Variants in SPOCK1 observed in about 807,000 individuals in gnomAD.
SPOCK1 encodes SPARC (osteonectin), cwcv and kazal like domains proteoglycan 1, also known as testican-1.
Under a neutral mutation model 55.3 loss-of-function variants are expected in SPOCK1, and 23 were observed. The observed-to-expected ratio is 0.42, with a 90% CI of 0.30 to 0.59. SPOCK1 has a LOEUF of 0.59. SPOCK1 is among the 20% of genes least tolerant of loss of function. SPOCK1 has a pLI of 0.22. For missense variants in SPOCK1, 499 were observed against 552.5 expected (o/e 0.90, Z 0.97); for synonymous variants, 226 against 221.0 (o/e 1.02, Z -0.20).
chr5:137,304,662 G>A (rs1331992736), intron 2 of SPOCK1, among the ~76,000 whole-genome samples: 1 of 152,144 alleles, frequency 6.6e-6, no homozygotes, highest in African/African-American at 2.4e-5. Flanking sequence ...AAAGCAGATT[G>A]TCTTTTCAAT....
chr5:137,299,282 C>T (rs1236726269), intron 2 of SPOCK1, among the ~76,000 whole-genome samples: 2 of 152,002 alleles, frequency 1.3e-5, no homozygotes, highest in African/African-American at 4.8e-5. Context: ...CAGGCTATTG[C>T]TGATGTTCAT....
At chr5:137,192,451 G>A (rs1012222948) in intron 3 of SPOCK1, among the ~76,000 whole-genome samples, 1 of 152,038 alleles carries the variant, frequency 6.6e-6, no homozygotes, top group Admixed American at 6.6e-5. Context: ...CCACTGCTAG[G>A]TGGGAATAAG....
intron 5 of SPOCK1, among the ~76,000 whole-genome samples, chr5:137,087,373 G>A (rs556867443): frequency 6.6e-6 from 1 of 152,338 alleles, no homozygotes; most frequent in South Asian, 2.1e-4. Context: ...TCTAAAGAGA[G>A]AACTAGTACC....
chr5:137,497,228 G>C (rs1026093620), intron 2 of SPOCK1, among the ~76,000 whole-genome samples: 1 of 152,092 alleles, frequency 6.6e-6, no homozygotes, highest in African/African-American at 2.4e-5. Flanking sequence ...ACCATGCCCG[G>C]GGACATTAAC....
intron 6 of SPOCK1, among the ~76,000 whole-genome samples, chr5:137,029,336 A>G (rs1289980802): frequency 6.6e-6 from 1 of 152,246 alleles, no homozygotes; most frequent in Non-Finnish European, 1.5e-5. Context: ...TATGTCAAAG[A>G]AAAGGCCACC....
intron 2 of SPOCK1, among the ~76,000 whole-genome samples, chr5:137,450,614 T>C (rs7706266): frequency 1 from 151,938 of 152,322 alleles, 75,777 homozygotes; most frequent in Middle Eastern, 1. Flanking sequence ...AGAGGCCTCA[T>C]ATTTTACTTT....
chr5:137,120,661 C>T (rs984446065), intron 4 of SPOCK1, among the ~76,000 whole-genome samples: 1 of 152,198 alleles, frequency 6.6e-6, no homozygotes, highest in African/African-American at 2.4e-5. Context: ...GGATTGAGGA[C>T]ATGAAACAGA....
chr5:137,065,715 C>T (rs1445536997), intron 6 of SPOCK1, among the ~76,000 whole-genome samples: 1 of 152,138 alleles, frequency 6.6e-6, no homozygotes, highest in Non-Finnish European at 1.5e-5. Flanking sequence ...CCTGATCTCT[C>T]ACCATTAACT....
At chr5:137,237,520 A>G (rs1475312127) in intron 3 of SPOCK1, among the ~76,000 whole-genome samples, 1 of 152,258 alleles carries the variant, frequency 6.6e-6, no homozygotes, top group African/African-American at 2.4e-5. Context: ...ACGTCTCACA[A>G]GAATGTTTAA....
chr5:137,176,722 A>G (rs977130611), intron 3 of SPOCK1, among the ~76,000 whole-genome samples: 1 of 152,216 alleles, frequency 6.6e-6, no homozygotes, highest in African/African-American at 2.4e-5. Flanking sequence ...GGGGCCAGAC[A>G]GGCTGAAGGC....
chr5:137,207,080 G>A (rs2127079404), intron 3 of SPOCK1, among the ~76,000 whole-genome samples: 1 of 152,322 alleles, frequency 6.6e-6, no homozygotes, highest in African/African-American at 2.4e-5. Context: ...TGCAGTCCTT[G>A]GCCCTGAGTA....
At chr5:137,021,095 G>A (rs1751556008) in intron 6 of SPOCK1, among the ~76,000 whole-genome samples, 1 of 152,048 alleles carries the variant, frequency 6.6e-6, no homozygotes, top group Admixed American at 6.6e-5. Context: ...CCAGAGAAGT[G>A]TAAGAATGTT....
chr5:137,105,737 C>T (rs1463563024), intron 5 of SPOCK1, among the ~76,000 whole-genome samples: 1 of 152,222 alleles, frequency 6.6e-6, no homozygotes, highest in Non-Finnish European at 1.5e-5. Flanking sequence ...CTCCCTCACA[C>T]GTGCTCAGGC....
At chr5:137,285,817 A>G (rs1247637030) in intron 2 of SPOCK1, among the ~76,000 whole-genome samples, 1 of 152,120 alleles carries the variant, frequency 6.6e-6, no homozygotes, top group Non-Finnish European at 1.5e-5. Flanking sequence ...AGAATACCAC[A>G]TGTAGAGCCA....
At chr5:137,463,625 A>G (rs1244473558) in intron 2 of SPOCK1, among the ~76,000 whole-genome samples, 2 of 152,200 alleles carry the variant, frequency 1.3e-5, no homozygotes, top group Admixed American at 6.5e-5. Flanking sequence ...GGGGGACTAT[A>G]GCCAATAATA....
intron 3 of SPOCK1, among the ~76,000 whole-genome samples, chr5:137,149,924 T>A (rs560371460): frequency 6.6e-6 from 1 of 152,288 alleles, no homozygotes; most frequent in Admixed American, 6.5e-5. Flanking sequence ...GGCAAACAGA[T>A]CCACTTTACT....
intron 2 of SPOCK1, among the ~76,000 whole-genome samples, chr5:137,494,938 A>G (rs1754268345): frequency 6.6e-6 from 1 of 152,230 alleles, no homozygotes; most frequent in South Asian, 2.1e-4. Flanking sequence ...GCCATGGAGG[A>G]GTTAAATGCA....
chr5:137,447,312 G>A (rs1391968399), intron 2 of SPOCK1, among the ~76,000 whole-genome samples: 1 of 152,192 alleles, frequency 6.6e-6, no homozygotes, highest in Admixed American at 6.5e-5. Flanking sequence ...CCACACTAAA[G>A]GACTGTCGTG....
chr5:137,263,270 T>C (rs1374208472), intron 3 of SPOCK1, among the ~76,000 whole-genome samples: 1 of 152,208 alleles, frequency 6.6e-6, no homozygotes, highest in East Asian at 1.9e-4. Context: ...AAGTTGATAA[T>C]GAGCATGTGA....
Sources: allele counts gnomAD v4.1 joint callset (sites outside exome capture counted in the v4.1 genomes callset), GRCh38; gene constraint gnomAD v4.1.1; transcripts MANE v1.5; gene names NCBI Gene and HGNC (gene_info 2026-07-23, HGNC 2026-07-21).